The following RASA1 variants were observed in gnomAD, a reference collection of about 807,000 sequenced individuals.
The protein encoded by RASA1 is ras GTPase-activating protein 1.
Under a neutral mutation model 132.2 loss-of-function variants are expected in RASA1, and 25 were observed. That is an observed-to-expected ratio of 0.19 (90% CI 0.14 to 0.26). The LOEUF is 0.26. Ranked by LOEUF, RASA1 falls within the 10% of genes least tolerant of loss-of-function variation. The probability of loss-of-function intolerance (pLI) is 1.00; values close to 1 mark genes in which losing one functional copy is unlikely to be tolerated. For synonymous variants in RASA1, 477 were observed against 449.9 expected, an observed-to-expected ratio of 1.06 and a Z score of -0.76; for missense variants, 964 against 1,299.2, an observed-to-expected ratio of 0.74 and a Z score of 3.97.
Position 87,363,489 on chromosome 5 carries a change from A to C in RASA1, c.1595A>C (p.Asp532Ala). The part of the protein sequence containing the change: ...LSVCSVYVVH[D>A]SLFGRPNCFQ... ...GTATGTTCTGTCTATGTCGTTCATG[A>C]TAGTCTCTTTGGCAGGTAAGAGACT... Residue 532 changes from aspartate to alanine, a missense_variant, in exon 11 of 25, where the codon GAT becomes GCT. Physicochemically the swap from Asp to Ala is moderately radical, Grantham distance 126. This residue lies in a region of RASA1 where 346 missense variants were observed against 520.1 expected (regional missense o/e 0.67). Coordinates refer to ENST00000274376, the MANE Select transcript of RASA1 (RefSeq NM_002890.3). 6.2e-7 allele frequency: 1 copy of C among 1,612,192 alleles called. No individual in the cohort carries two copies. Among genetic ancestry groups the C allele is most frequent in the Non-Finnish European group, 8.5e-7 (1 of 1,178,548 alleles).
At chr5:87,329,363 G>C (rs939931333) in intron 1 of RASA1, among the ~76,000 whole-genome samples, 3 of 151,948 alleles carry the variant, frequency 2.0e-5, no homozygotes, top group African/African-American at 7.3e-5. Context: ...GATGGGTTGA[G>C]CCTGGGAGGT....
intron 1 of RASA1, among the ~76,000 whole-genome samples, chr5:87,292,801 T>C (rs1754965251): frequency 6.6e-6 from 1 of 152,198 alleles, no homozygotes; most frequent in Admixed American, 6.5e-5. Flanking sequence ...TGCATTTATT[T>C]AGTTCTTTGT....
rs768807181 is a variant in RASA1, at chr5:87,380,544, C to G, written c.2639C>G (p.Ser880Cys). Residue 880 changes from serine to cysteine, a missense_variant, in exon 20 of 25, where the codon TCT (serine) becomes TGT (cysteine). Ser to Cys is a moderately radical substitution (Grantham distance 112). This residue lies in a region of RASA1 where 346 missense variants were observed against 520.1 expected (regional missense o/e 0.67). Transcript: ENST00000274376. ...LRYIYGCLQKSVQHKWPTNTT... is the reference protein window; with the variant it reads ...LRYIYGCLQKCVQHKWPTNTT... ...TATATTTATGGGTGTTTACAGAAAT[C>G]TGTTCAGCATAAGTGGCCTACAAAT... 1.2e-6 allele frequency: 2 copies of G among 1,613,244 alleles called. No individual in the cohort carries two copies. Among genetic ancestry groups the G allele is most frequent in the East Asian group, 4.5e-5 (2 of 44,824 alleles).
chr5:87,372,734 CTTTT>C (rs998920261), intron 13 of RASA1, among the ~76,000 whole-genome samples: 1 of 151,972 alleles, frequency 6.6e-6, no homozygotes, highest in Non-Finnish European at 1.5e-5. Flanking sequence ...CATTTCTTGG[CTTTT>C]TTCTTTTTAG....
chr5:87,301,208 T>C (rs1755345875), intron 1 of RASA1, among the ~76,000 whole-genome samples: 2 of 152,086 alleles, frequency 1.3e-5, no homozygotes, highest in African/African-American at 4.8e-5. Flanking sequence ...TAATGTTTTA[T>C]TTATGTATAT....
chr5:87,296,637 C>T (rs1038748450), intron 1 of RASA1, among the ~76,000 whole-genome samples: 3 of 151,988 alleles, frequency 2.0e-5, no homozygotes, highest in African/African-American at 7.2e-5. Flanking sequence ...TTTCATTCTA[C>T]TCTCCTGTTT....
chr5:87,271,140 A>G (rs1323286887), intron 1 of RASA1, among the ~76,000 whole-genome samples: 1 of 152,112 alleles, frequency 6.6e-6, no homozygotes, highest in Non-Finnish European at 1.5e-5. Flanking sequence ...TAGGAGGCTG[A>G]GGCAGGAGAA....
Position 87,377,021 on chromosome 5 carries a change from C to T in RASA1, c.2325C>T (p.Asp775=). 6.2e-7 allele frequency: 1 copy of T among 1,613,684 alleles called. No individual in the cohort carries two copies. The highest frequency in any genetic ancestry group is 8.5e-7 in the Non-Finnish European group (1 of 1,179,772). Residue 775 remains aspartate (D), a synonymous_variant, in exon 17 of 25, where the codon GAC becomes GAT. Coordinates refer to ENST00000274376, the MANE Select transcript of RASA1 (RefSeq NM_002890.3). ...CGTTGTTGTTATGCACACTAAATGA[C>T]AGAGAAATAAGCATGGAAGGTATGG... ...LESLLLCTLN[D]REISMEDEAT...
intron 1 of RASA1, among the ~76,000 whole-genome samples, chr5:87,292,645 C>G (rs1029556375): frequency 7.9e-5 from 12 of 151,938 alleles, no homozygotes; most frequent in Non-Finnish European, 1.8e-4. Flanking sequence ...GGTCTTTTAC[C>G]TCTCCATAAA....
intron 1 of RASA1, among the ~76,000 whole-genome samples, chr5:87,302,351 A>C (rs998745593): frequency 2.0e-5 from 3 of 151,742 alleles, no homozygotes; most frequent in African/African-American, 7.3e-5. Context: ...AACCTCTTTC[A>C]TGAAGAGGTT....
At chr5:87,301,593 A>G (rs1175520156) in intron 1 of RASA1, among the ~76,000 whole-genome samples, 1 of 152,202 alleles carries the variant, frequency 6.6e-6, no homozygotes, top group Admixed American at 6.5e-5. Context: ...ATTGAATCAC[A>G]TACAGGTTGA....
intron 1 of RASA1, among the ~76,000 whole-genome samples, chr5:87,311,815 C>T (rs753612355): frequency 6.6e-6 from 1 of 152,156 alleles, no homozygotes; most frequent in Non-Finnish European, 1.5e-5. Flanking sequence ...AGGCCCCTCC[C>T]GTAAATTACA....
intron 1 of RASA1, among the ~76,000 whole-genome samples, chr5:87,306,838 A>G (rs1212241519): frequency 6.6e-6 from 1 of 151,912 alleles, no homozygotes; most frequent in African/African-American, 2.4e-5. Context: ...CGTACTGTAC[A>G]TGTATGTCTG....
chr5:87,315,682 T>C (rs939818786), intron 1 of RASA1, among the ~76,000 whole-genome samples: 41 of 152,242 alleles, frequency 2.7e-4, no homozygotes, highest in African/African-American at 8.9e-4. Flanking sequence ...TGGGAGAGGG[T>C]TGAACAACTG....
chr5:87,347,752 T>TA (rs1421983391), intron 7 of RASA1, among the ~76,000 whole-genome samples: 2 of 151,972 alleles, frequency 1.3e-5, no homozygotes, highest in Non-Finnish European at 2.9e-5. Context: ...TATATGATAG[T>TA]AATAGAGAAG....
At chr5:87,351,953 T>G (rs1174052686) in intron 8 of RASA1, among the ~76,000 whole-genome samples, 1 of 151,840 alleles carries the variant, frequency 6.6e-6, no homozygotes, top group East Asian at 1.9e-4. Context: ...TTACTGATTT[T>G]CATAGATTTG....
At position 87,362,649 on chromosome 5, in the gene RASA1, G is replaced by C. The variant is rs2112457165; in HGVS notation, c.1431G>C (p.Lys477Asn). 6.2e-7 allele frequency: 1 copy of C among 1,604,888 alleles called. No individual in the cohort carries two copies. Among genetic ancestry groups the C allele is most frequent in the Non-Finnish European group, 8.5e-7 (1 of 1,171,924 alleles). ...TKDAFYKNIV[K>N]KGYLLKKGKG... ...ATGCCTTTTATAAAAACATTGTTAAGAAAGGTTATCTTCTGAAAAAGGGTA... is the reference window on the plus strand; with the variant it reads ...ATGCCTTTTATAAAAACATTGTTAACAAAGGTTATCTTCTGAAAAAGGGTA... Residue 477 changes from lysine (K) to asparagine (N), a missense_variant, in exon 10 of 25, where the codon AAG becomes AAC. Around this residue, in one of 6 missense-constraint regions of RASA1, gnomAD observed 346 missense variants for 520.1 expected, o/e 0.67. Coordinates refer to ENST00000274376, the MANE Select transcript of RASA1 (RefSeq NM_002890.3).
At chr5:87,287,442 A>T (rs1454866269) in intron 1 of RASA1, among the ~76,000 whole-genome samples, 1 of 147,162 alleles carries the variant, frequency 6.8e-6, no homozygotes. Context: ...CCATATATAT[A>T]CACCATATAT....
At position 87,317,879 on chromosome 5, in the gene RASA1, G is replaced by A. The variant is rs139601037; in HGVS notation, c.540-13469G>A. ...TTGAACTCATGAGCTCAAGCAATCCGCCCACCTCAGCATCCCAAATTTCTA... is the reference window on the plus strand; with the variant it reads ...TTGAACTCATGAGCTCAAGCAATCCACCCACCTCAGCATCCCAAATTTCTA... On this transcript the variant is annotated intron_variant, in intron 1 of 24. Coordinates refer to ENST00000274376, the MANE Select transcript of RASA1 (RefSeq NM_002890.3). Among the ~76,000 whole-genome samples, 607 of 151,968 alleles carry A rather than the reference G, an allele frequency of 4.0e-3. 3 individuals carry two copies. The highest frequency in any genetic ancestry group is 6.2e-3 in the Admixed American group (95 of 15,258).
Sources: allele counts gnomAD v4.1 joint callset (sites outside exome capture counted in the v4.1 genomes callset), GRCh38; gene constraint gnomAD v4.1.1; regional missense constraint gnomAD v4.1.1; transcripts MANE v1.5; gene names NCBI Gene and HGNC (gene_info 2026-07-23, HGNC 2026-07-21).